Variants in EPHA3 observed in about 807,000 individuals in gnomAD.
EPHA3 encodes the protein EPH receptor A3.
A neutral mutation model predicts 107.1 loss-of-function variants in EPHA3; 42 were observed. That is an observed-to-expected ratio of 0.39 (90% CI 0.31 to 0.51). The LOEUF is 0.51. Among genes scored for constraint, EPHA3 ranks in the 20% least tolerant of loss-of-function variants. The probability of loss-of-function intolerance (pLI) is 0.78; values close to 1 mark genes in which losing one functional copy is unlikely to be tolerated. For missense variants in EPHA3, 1,183 were observed against 1,211.2 expected (o/e 0.98, Z 0.35); for synonymous variants, 461 against 424.8 (o/e 1.09, Z -1.05).
chr3:89,342,858 TACACACAC>T (rs144807058), intron 5 of EPHA3, among the ~76,000 whole-genome samples: 26 of 139,218 alleles, frequency 1.9e-4, no homozygotes, highest in African/African-American at 5.0e-4. Flanking sequence ...TTTTTACACA[TACACACAC>T]ACACACACAC....
At chr3:89,139,633 T>C (rs1383152663) in intron 2 of EPHA3, among the ~76,000 whole-genome samples, 3 of 151,706 alleles carry the variant, frequency 2.0e-5, no homozygotes, top group Non-Finnish European at 2.9e-5. Context: ...TTTGAATGAG[T>C]AATCAAATTT....
At chr3:89,359,112 T>C (rs923723088) in intron 5 of EPHA3, among the ~76,000 whole-genome samples, 7 of 151,252 alleles carry the variant, frequency 4.6e-5, no homozygotes, top group Non-Finnish European at 1.0e-4. Flanking sequence ...AAAACTAGAA[T>C]GCATTAAAAT....
intron 15 of EPHA3, among the ~76,000 whole-genome samples, chr3:89,471,952 C>G (rs1710411534): frequency 6.6e-6 from 1 of 151,974 alleles, no homozygotes; most frequent in Non-Finnish European, 1.5e-5. Flanking sequence ...TTATTTAACT[C>G]TGTATTGAGT....
chr3:89,370,699 C>CA (rs1559668819), intron 5 of EPHA3, among the ~76,000 whole-genome samples: 1 of 149,672 alleles, frequency 6.7e-6, no homozygotes, highest in African/African-American at 2.5e-5. Context: ...TGTATATAGA[C>CA]AAAAAAATAA....
At chr3:89,240,325 A>G (rs928744970) in intron 3 of EPHA3, among the ~76,000 whole-genome samples, 1 of 152,158 alleles carries the variant, frequency 6.6e-6, no homozygotes, top group Admixed American at 6.6e-5. Context: ...TATCGGGAAA[A>G]AGCATAATTA....
intron 3 of EPHA3, among the ~76,000 whole-genome samples, chr3:89,316,161 C>G (rs189262425): frequency 6.6e-6 from 1 of 151,622 alleles, no homozygotes. Flanking sequence ...ATAGCTGGCA[C>G]GAAAGTAGGC....
At position 89,359,932 on chromosome 3, in the gene EPHA3, ATACTG is replaced by A. The variant is rs534323687; in HGVS notation, c.1306+17858_1306+17862del. 1.2e-3 allele frequency among the ~76,000 whole-genome samples: 180 copies of A among 149,360 alleles called. 3 individuals carry two copies. Among genetic ancestry groups the A allele is most frequent in the African/African-American group, 3.7e-3 (154 of 41,080 alleles). Reference sequence around the variant, plus strand: ...TATTTATTATTTAAACTAACAACCAATACTGTACTGTACTGTACTGGGCATTTTCG... The same window carrying A: ...TATTTATTATTTAAACTAACAACCAATACTGTACTGTACTGGGCATTTTCG... On this transcript the variant is annotated intron_variant, in intron 5 of 16. Coordinates refer to ENST00000336596, the MANE Select transcript of EPHA3 (RefSeq NM_005233.6).
At chr3:89,476,586 TTTA>T (rs1312789312) in intron 16 of EPHA3, among the ~76,000 whole-genome samples, 1 of 99,924 alleles carries the variant, frequency 1.0e-5, no homozygotes, top group Non-Finnish European at 2.1e-5. Flanking sequence ...TATTATTATT[TTTA>T]TTTATTTATT....
At chr3:89,316,949 G>A (rs1438600572) in intron 3 of EPHA3, among the ~76,000 whole-genome samples, 4 of 151,604 alleles carry the variant, frequency 2.6e-5, no homozygotes, top group South Asian at 2.1e-4. Flanking sequence ...AATAAGTTCA[G>A]AGAGGCTGAA....
chr3:89,308,163 A>G (rs1706671157), intron 3 of EPHA3, among the ~76,000 whole-genome samples: 1 of 152,176 alleles, frequency 6.6e-6, no homozygotes, highest in Admixed American at 6.6e-5. Context: ...AATATTTAAA[A>G]GAAGGATAAA....
Position 89,341,707 on chromosome 3 carries a change from T to C in EPHA3, c.971-48T>C, listed in dbSNP as rs749845827. ...TGTAAATTATCTATTTCCCTTGTAG[T>C]AGAAAACAGAAGTGAGGCTCATTAA... On this transcript the variant is annotated intron_variant, in intron 4 of 16. Transcript: ENST00000336596. 9.2e-6 allele frequency: 13 copies of C among 1,413,746 alleles called. No individual in the cohort carries two copies. The East Asian group carries it at 2.5e-4, about 27-fold the overall frequency. The allele number at this position is 1,413,746 out of a possible 1,614,324, so 87.6% of individuals were successfully genotyped here.
chr3:89,454,677 A>G lies in EPHA3; in HGVS notation c.2690+4307A>G, dbSNP rs1576387365. Among the ~76,000 whole-genome samples the G allele has an allele frequency of 2.0e-5, 3 of 152,316 alleles. No individual in the cohort carries two copies. In the South Asian group the frequency reaches 6.2e-4, roughly 32 times the overall value. On this transcript the variant is annotated intron_variant, in intron 15 of 16. Transcript: ENST00000336596. ...TTGAATTCACGTTACACTTATAAAA[A>G]AATCTCCTTTTGGTTGTTTAAAAAG...
chr3:89,305,196 T>C (rs1284428281), intron 3 of EPHA3, among the ~76,000 whole-genome samples: 1 of 152,194 alleles, frequency 6.6e-6, no homozygotes, highest in Non-Finnish European at 1.5e-5. Context: ...AACCTCTTTC[T>C]ATTAAAATCA....
At chr3:89,120,260 A>G (rs1707347907) in intron 1 of EPHA3, among the ~76,000 whole-genome samples, 2 of 152,224 alleles carry the variant, frequency 1.3e-5, no homozygotes, top group African/African-American at 2.4e-5. Context: ...TTAAAAAGCA[A>G]AACTGTGAAA....
intron 3 of EPHA3, among the ~76,000 whole-genome samples, chr3:89,332,715 A>G (rs527698088): frequency 2.0e-5 from 3 of 152,306 alleles, no homozygotes; most frequent in East Asian, 3.9e-4. Flanking sequence ...TTGCAGGGCC[A>G]GGAAATCATC....
At chr3:89,201,829 A>G (rs1705974960) in intron 2 of EPHA3, among the ~76,000 whole-genome samples, 2 of 152,206 alleles carry the variant, frequency 1.3e-5, no homozygotes, top group African/African-American at 2.4e-5. Flanking sequence ...TTTGTTATAC[A>G]TTGTTTAAAG....
chr3:89,336,867 C>A (rs1363501997), intron 3 of EPHA3, among the ~76,000 whole-genome samples: 1 of 151,918 alleles, frequency 6.6e-6, no homozygotes, highest in Non-Finnish European at 1.5e-5. Flanking sequence ...TCAATACTAG[C>A]CAGGTAATAT....
At chr3:89,116,260 A>G (rs1707250908) in intron 1 of EPHA3, among the ~76,000 whole-genome samples, 1 of 152,172 alleles carries the variant, frequency 6.6e-6, no homozygotes, top group Non-Finnish European at 1.5e-5. Context: ...ATTGTACAAT[A>G]TAACCAGAGT....
intron 3 of EPHA3, among the ~76,000 whole-genome samples, chr3:89,337,455 G>A (rs746509812): frequency 3.9e-5 from 6 of 152,122 alleles, no homozygotes; most frequent in Non-Finnish European, 8.8e-5. Flanking sequence ...ACTTTGATAA[G>A]ATTTAATTGA....
Sources: allele counts gnomAD v4.1 joint callset (sites outside exome capture counted in the v4.1 genomes callset), GRCh38; gene constraint gnomAD v4.1.1; transcripts MANE v1.5; gene names NCBI Gene and HGNC (gene_info 2026-07-23, HGNC 2026-07-21).